LRRC9: variants seen among roughly 807,000 people sequenced by gnomAD.
The protein encoded by LRRC9 is leucine-rich repeat-containing protein 9.
Under a neutral mutation model 63.2 loss-of-function variants are expected in LRRC9, and 122 were observed. The ratio of observed to expected loss-of-function variants is 1.93; its 90% CI spans 1.67 to 2.24. The LOEUF (loss-of-function observed/expected upper bound fraction) is 2.24. Ranked by LOEUF, LRRC9 falls within the 30% of genes most tolerant of loss-of-function variation. The pLI, the probability that LRRC9 is intolerant of heterozygous loss-of-function variation, is 0.00. For missense variants in LRRC9, 1,071 were observed against 627.7 expected, an observed-to-expected ratio of 1.71 and a Z score of -7.55; for synonymous variants, 366 against 213.1, an observed-to-expected ratio of 1.72 and a Z score of -6.25.
rs952716728 is a variant in LRRC9 at position 59,958,513 on chromosome 14, T to C, written c.883-1305T>C. On this transcript the variant is annotated intron_variant, in intron 8 of 31. Coordinates refer to ENST00000445360, the Ensembl canonical transcript of LRRC9. This position sits in a 1 kb window ranked among gnomAD's most constrained non-coding sequence, Gnocchi z 4.0. The stretch of plus-strand genomic sequence containing the variant: ...TCGACCCAGGTCGACTTCAGACTGC[T>C]GTGCTGGCAGCGAGAATTTCAAGCT... Among the ~76,000 whole-genome samples, 12 of 152,226 alleles carry C rather than the reference T, an allele frequency of 7.9e-5. No homozygotes were observed. Among genetic ancestry groups the C allele is most frequent in the Admixed American group, 7.8e-4 (12 of 15,294 alleles).
intron 28 of LRRC9, among the ~76,000 whole-genome samples, chr14:60,030,762 C>A: frequency 6.6e-6 from 1 of 151,966 alleles, no homozygotes; most frequent in East Asian, 1.9e-4. Flanking sequence ...CAGGCTAACA[C>A]ACCATCTCAC....
intron 23 of LRRC9, among the ~76,000 whole-genome samples, chr14:60,011,251 G>A (rs989471740): frequency 2.6e-5 from 4 of 152,180 alleles, no homozygotes; most frequent in East Asian, 3.9e-4. Flanking sequence ...GCATGTGCAC[G>A]GGAACTCCCC....
intron 29 of LRRC9, among the ~76,000 whole-genome samples, chr14:60,052,062 A>G (rs930192899): frequency 1.3e-5 from 2 of 152,056 alleles, no homozygotes; most frequent in African/African-American, 4.8e-5. Context: ...TGCTGAGTTC[A>G]CTCACTGCTT....
rs1566833601 is a variant in LRRC9 at position 59,975,116 on chromosome 14, T to TATATATATGTATATATATATAC, written c.1639+416_1639+417insGTATATATATATACATATATAT. Among the ~76,000 whole-genome samples, 40 of 17,940 alleles carry TATATATATGTATATATATATAC rather than the reference T, an allele frequency of 2.2e-3. 5 individuals are homozygous for TATATATATGTATATATATATAC. Among genetic ancestry groups the TATATATATGTATATATATATAC allele is most frequent in the Non-Finnish European group, 9.3e-3 (31 of 3,326 alleles). 11.8% of individuals were successfully genotyped at this position (17,940 alleles called of 152,430 possible). On this transcript the variant is annotated intron_variant, in intron 13 of 31. Coordinates refer to ENST00000445360, the Ensembl canonical transcript of LRRC9. ...ATATATATATACATATATATATGTA[T>TATATATATGTATATATATATAC]ATATATATATGTATATATATATACA...
chr14:59,987,640 G>A (rs774012965), intron 17 of LRRC9, among the ~76,000 whole-genome samples: 5 of 151,856 alleles, frequency 3.3e-5, no homozygotes, highest in Non-Finnish European at 5.9e-5. Flanking sequence ...TGGATCCACA[G>A]ATAGGATCAG....
intron 29 of LRRC9, among the ~76,000 whole-genome samples, chr14:60,036,908 C>G (rs1178512405): frequency 6.6e-6 from 1 of 152,068 alleles, no homozygotes; most frequent in Non-Finnish European, 1.5e-5. Context: ...AATGCTATCC[C>G]TCCCCACTCC....
At chr14:60,020,447 T>G (rs1891031229) in intron 26 of LRRC9, among the ~76,000 whole-genome samples, 1 of 151,964 alleles carries the variant, frequency 6.6e-6, no homozygotes, top group African/African-American at 2.4e-5. Flanking sequence ...TTTTGGATCC[T>G]ATTCATATTT....
At chr14:60,028,671 A>T (rs751665518) in intron 28 of LRRC9, among the ~76,000 whole-genome samples, 1 of 152,140 alleles carries the variant, frequency 6.6e-6, no homozygotes, top group Non-Finnish European at 1.5e-5. Flanking sequence ...AGTTGAAGAC[A>T]TAACCTTATA....
At chr14:60,033,459 G>T (rs542548449) in intron 29 of LRRC9, among the ~76,000 whole-genome samples, 1 of 152,116 alleles carries the variant, frequency 6.6e-6, no homozygotes, top group South Asian at 2.1e-4. Flanking sequence ...TAAAAGTTTA[G>T]GGAAATTCCT....
At chr14:60,065,642 C>T (rs1894866689), downstream of LRRC9, among the ~76,000 whole-genome samples, 2 of 21,970 alleles carry the variant, frequency 9.1e-5, no homozygotes, top group Non-Finnish European at 3.3e-4. Context: ...AGTGAGACTC[C>T]CTCTCAAAAA....
intron 3 of LRRC9, among the ~76,000 whole-genome samples, chr14:59,929,582 A>G (rs1335688522): frequency 6.6e-6 from 1 of 151,744 alleles, no homozygotes; most frequent in Non-Finnish European, 1.5e-5. Context: ...CTGGGTATAT[A>G]CCCAAAGTAA....
At position 59,921,228 on chromosome 14, in the gene LRRC9, G is replaced by A. The variant is rs150724594; in HGVS notation, c.-34+1345G>A. Among the ~76,000 whole-genome samples, 10 of 152,278 alleles carry A rather than the reference G, an allele frequency of 6.6e-5. No homozygotes were observed. The East Asian group carries it at 1.9e-3, about 29-fold the overall frequency. ...AACTATAGTTGTGGCCTGAACCTAG[G>A]GTCCTCTGTGGAGGTTGTGGCTGAT... On this transcript the variant is annotated intron_variant, in intron 1 of 31. Coordinates refer to ENST00000445360, the Ensembl canonical transcript of LRRC9.
chr14:59,990,435 A>T lies in LRRC9; in HGVS notation c.2211+5211A>T, dbSNP rs1218030982. ...TTTTTTCATTTTTAGACAGGGTCTCACTCTGTCACCCAGGCTGGAATGCAA... is the reference window on the plus strand; with the variant it reads ...TTTTTTCATTTTTAGACAGGGTCTCTCTCTGTCACCCAGGCTGGAATGCAA... On this transcript the variant is annotated intron_variant, in intron 17 of 31. Coordinates refer to ENST00000445360, the Ensembl canonical transcript of LRRC9. This position sits in a 1 kb window ranked among gnomAD's most constrained non-coding sequence, Gnocchi z 4.2. Among the ~76,000 whole-genome samples the T allele has an allele frequency of 6.6e-6, 1 of 151,362 alleles. No individual in the cohort carries two copies. The highest frequency in any genetic ancestry group is 1.9e-4 in the East Asian group (1 of 5,154).
chr14:60,002,708 G>C (rs1462675437), intron 20 of LRRC9, among the ~76,000 whole-genome samples: 1 of 152,148 alleles, frequency 6.6e-6, no homozygotes, highest in Non-Finnish European at 1.5e-5. Flanking sequence ...TACGTCAGAT[G>C]GGCTGGGCCT....
At position 59,986,969 on chromosome 14, in the gene LRRC9, G is replaced by A. The variant is rs1037049224; in HGVS notation, c.2211+1745G>A. Among the ~76,000 whole-genome samples, 2 of 152,110 alleles carry A rather than the reference G, an allele frequency of 1.3e-5. No individual in the cohort carries two copies. Among genetic ancestry groups the A allele is most frequent in the Non-Finnish European group, 2.9e-5 (2 of 68,000 alleles). On this transcript the variant is annotated intron_variant, in intron 17 of 31. Coordinates refer to ENST00000445360, the Ensembl canonical transcript of LRRC9. The surrounding 1 kb of genome is among the most constrained non-coding windows in gnomAD (Gnocchi z 4.7). ...TAAGGATATTAGAGGTGGCCAGAGA[G>A]AGGAGAAACTCTACATGGATGTCTA...
In LRRC9 at chr14:59,930,416, CAT is replaced by C. The variant is rs1409122869; in HGVS notation, c.268-500_268-499del. Among the ~76,000 whole-genome samples the C allele has an allele frequency of 6.6e-6, 1 of 151,868 alleles. No homozygotes were observed. Among genetic ancestry groups the C allele is most frequent in the Non-Finnish European group, 1.5e-5 (1 of 67,892 alleles). On this transcript the variant is annotated intron_variant, in intron 3 of 31. Transcript: ENST00000445360. The surrounding 1 kb of genome is among the most constrained non-coding windows in gnomAD (Gnocchi z 4.9). ...ATTATTTATAACTAAAAATTTGAAA[CAT>C]AAATATGCCATACATCAGGTAATTT...
rs1888823098 is a variant in LRRC9 at position 59,922,006 on chromosome 14, C to G, written c.-34+2123C>G. Among the ~76,000 whole-genome samples, 1 of 151,672 alleles carries G rather than the reference C, an allele frequency of 6.6e-6. No homozygotes were observed. The highest frequency in any genetic ancestry group is 6.6e-5 in the Admixed American group (1 of 15,236). ...GGCTGAGGCAGAAGAATTACTTGAA[C>G]CTGGGAGGCAGAGGTTGGAGTGAGC... is the stretch of plus-strand genomic sequence containing the variant. On this transcript the variant is annotated intron_variant, in intron 1 of 31. Transcript: ENST00000445360. This position sits in a 1 kb window ranked among gnomAD's most constrained non-coding sequence, Gnocchi z 5.3.
At position 60,006,629 on chromosome 14, in the gene LRRC9, G is replaced by T; in HGVS notation, c.3063+12G>T. 6.9e-6 allele frequency: 4 copies of T among 581,522 alleles called. No homozygotes were observed. The highest frequency in any genetic ancestry group is 3.1e-5 in the East Asian group (1 of 32,418). 36.0% of individuals were successfully genotyped at this position (581,522 alleles called of 1,614,324 possible). A position where few individuals can be genotyped will look rare whatever the true frequency, so the allele number is the denominator to read the frequency against. On this transcript the variant is annotated intron_variant, in intron 22 of 31. Transcript: ENST00000445360. ...TGCACAATTTAAAGGTAATCATCTG[G>T]GTAGTAATTTTTTTGTTTTTTAACA...
At chr14:59,982,247 C>G (rs187159268) in intron 16 of LRRC9, among the ~76,000 whole-genome samples, 187 bp downstream of exon 16, 1 of 152,128 alleles carries the variant, frequency 6.6e-6, no homozygotes, top group East Asian at 1.9e-4. Flanking sequence ...ATAATGTGAA[C>G]CACATATGTA....
Sources: allele counts gnomAD v4.1 joint callset (sites outside exome capture counted in the v4.1 genomes callset), GRCh38; gene constraint gnomAD v4.1.1; non-coding constraint Gnocchi (gnomAD v3.1); transcripts MANE v1.5; gene names NCBI Gene and HGNC (gene_info 2026-07-23, HGNC 2026-07-21).